Variants in MPPED2 observed in about 807,000 individuals in gnomAD.
MPPED2 encodes the protein metallophosphoesterase domain containing 2, also known as metallophosphoesterase MPPED2.
In MPPED2, 5 loss-of-function variants were observed where a neutral mutation model predicts 33.0. The observed-to-expected ratio is 0.15, with a 90% CI of 0.08 to 0.32. MPPED2 has a LOEUF of 0.32. MPPED2 is among the 10% of genes least tolerant of loss of function. The pLI, the probability that MPPED2 is intolerant of heterozygous loss-of-function variation, is 1.00. For synonymous variants in MPPED2, 136 were observed against 141.9 expected, an observed-to-expected ratio of 0.96 and a Z score of 0.29; for missense variants, 275 against 372.1, an observed-to-expected ratio of 0.74 and a Z score of 2.15.
At chr11:30,490,660 A>G (rs947057291) in intron 4 of MPPED2, among the ~76,000 whole-genome samples, 3 of 152,088 alleles carry the variant, frequency 2.0e-5, no homozygotes, top group African/African-American at 7.2e-5. Context: ...GTACTACAGA[A>G]CATTACGGTT....
chr11:30,578,162 T>G (rs1957010944), intron 2 of MPPED2, among the ~76,000 whole-genome samples: 1 of 152,132 alleles, frequency 6.6e-6, no homozygotes, highest in East Asian at 1.9e-4. Context: ...CTAAACTAGC[T>G]TTGAGGCATT....
intron 2 of MPPED2, among the ~76,000 whole-genome samples, chr11:30,579,098 A>C (rs2134899695): frequency 6.6e-6 from 1 of 150,456 alleles, no homozygotes; most frequent in South Asian, 2.1e-4. Flanking sequence ...TCCAGAATAT[A>C]CTTGCAAAGC....
At chr11:30,514,702 C>T (rs1305102184) in intron 3 of MPPED2, among the ~76,000 whole-genome samples, 1 of 152,144 alleles carries the variant, frequency 6.6e-6, no homozygotes, top group Non-Finnish European at 1.5e-5. Flanking sequence ...GATTTGCTGC[C>T]TCTGGCAAAG....
chr11:30,459,957 T>C (rs1211071448), intron 4 of MPPED2, among the ~76,000 whole-genome samples: 1 of 152,200 alleles, frequency 6.6e-6, no homozygotes, highest in Non-Finnish European at 1.5e-5. Flanking sequence ...AGGCTTTATT[T>C]GAGAGTCAGC....
intron 3 of MPPED2, among the ~76,000 whole-genome samples, chr11:30,534,049 A>G (rs920197779): frequency 2.0e-5 from 3 of 152,292 alleles, no homozygotes; most frequent in East Asian, 1.9e-4. Flanking sequence ...TGATTAATCT[A>G]CACAACAATC....
intron 4 of MPPED2, among the ~76,000 whole-genome samples, chr11:30,465,534 C>T (rs926692895): frequency 9.2e-5 from 14 of 152,152 alleles, no homozygotes; most frequent in African/African-American, 2.9e-4. Flanking sequence ...TCAAACAATC[C>T]GCTCACCTGG....
chr11:30,578,010 ATAGGTAGG>A (rs1461072786), intron 2 of MPPED2, among the ~76,000 whole-genome samples: 1 of 152,226 alleles, frequency 6.6e-6, no homozygotes, highest in Non-Finnish European at 1.5e-5. Context: ...AGATAGGTAG[ATAGGTAGG>A]TAGGTAGACA....
chr11:30,523,365 A>G (rs898101775), intron 3 of MPPED2, among the ~76,000 whole-genome samples: 2 of 152,126 alleles, frequency 1.3e-5, no homozygotes, highest in Non-Finnish European at 2.9e-5. Flanking sequence ...TCAAAGCCAA[A>G]CCAAATGCCA....
chr11:30,481,557 G>T (rs1047123131), intron 4 of MPPED2, among the ~76,000 whole-genome samples: 2 of 152,102 alleles, frequency 1.3e-5, no homozygotes, highest in African/African-American at 4.8e-5. Flanking sequence ...CACAAGTCGA[G>T]CCCTGTTTTG....
chr11:30,398,123 G>T (rs1396285351), intron 6 of MPPED2, among the ~76,000 whole-genome samples: 2 of 152,126 alleles, frequency 1.3e-5, no homozygotes, highest in African/African-American at 2.4e-5. Context: ...CAAGGGCTAT[G>T]AATTATCACA....
At chr11:30,520,925 C>T (rs927732927) in intron 3 of MPPED2, among the ~76,000 whole-genome samples, 3 of 151,900 alleles carry the variant, frequency 2.0e-5, no homozygotes, top group Admixed American at 6.5e-5. Context: ...CTCCTCTTTA[C>T]ACTTTGTAGA....
intron 2 of MPPED2, among the ~76,000 whole-genome samples, chr11:30,574,647 T>C (rs1039946788): frequency 2.6e-5 from 4 of 152,066 alleles, no homozygotes; most frequent in African/African-American, 4.8e-5. Context: ...CAATATAAAA[T>C]AGAAGAAGGT....
intron 3 of MPPED2, among the ~76,000 whole-genome samples, chr11:30,499,710 A>T (rs944504150): frequency 1.3e-5 from 2 of 152,106 alleles, no homozygotes; most frequent in Non-Finnish European, 2.9e-5. Context: ...ACATTCCTTG[A>T]CTTTTTTGCT....
At chr11:30,567,991 A>G (rs1345558624) in intron 2 of MPPED2, among the ~76,000 whole-genome samples, 1 of 152,214 alleles carries the variant, frequency 6.6e-6, no homozygotes, top group East Asian at 1.9e-4. Flanking sequence ...AAAGGCACGA[A>G]AAAACTTATA....
rs16920748 is a variant in MPPED2 at position 30,478,918 on chromosome 11, G to C, written c.536+16378C>G. 5.2e-3 allele frequency among the ~76,000 whole-genome samples: 794 copies of C among 152,216 alleles called. 11 individuals are homozygous for C. Among genetic ancestry groups the C allele is most frequent in the African/African-American group, 0.018 (763 of 41,550 alleles). Reference sequence around the variant, plus strand: ...CACAATATGAGCAGGCTGTTTGACAGAGAAAAAAGTTCTTGATGCTTTAGA... The same window carrying C: ...CACAATATGAGCAGGCTGTTTGACACAGAAAAAAGTTCTTGATGCTTTAGA... On this transcript the variant is annotated intron_variant, in intron 4 of 6. Transcript: ENST00000358117.
intron 3 of MPPED2, among the ~76,000 whole-genome samples, chr11:30,509,324 T>C (rs1274999571): frequency 6.6e-6 from 1 of 152,170 alleles, no homozygotes; most frequent in Non-Finnish European, 1.5e-5. Context: ...AATGTTACAA[T>C]TTCAAAAGAG....
intron 1 of MPPED2, among the ~76,000 whole-genome samples, chr11:30,581,157 A>T (rs765354180): frequency 3.1e-4 from 47 of 152,078 alleles, no homozygotes; most frequent in Admixed American, 1.0e-3. Flanking sequence ...CACTCCAGTC[A>T]CTCAGGGGAA....
chr11:30,571,617 T>C (rs1454849939), intron 2 of MPPED2, among the ~76,000 whole-genome samples: 1 of 152,082 alleles, frequency 6.6e-6, no homozygotes, highest in East Asian at 1.9e-4. Context: ...CAGTAAGCTA[T>C]GAAAGTCTAA....
chr11:30,560,085 G>C (rs1034306562), intron 2 of MPPED2, among the ~76,000 whole-genome samples: 4 of 152,102 alleles, frequency 2.6e-5, no homozygotes, highest in African/African-American at 9.7e-5. Context: ...AAACCTCAGG[G>C]GAGAGGGGAG....
Sources: allele counts gnomAD v4.1 joint callset (sites outside exome capture counted in the v4.1 genomes callset), GRCh38; gene constraint gnomAD v4.1.1; transcripts MANE v1.5; gene names NCBI Gene and HGNC (gene_info 2026-07-23, HGNC 2026-07-21).